EIF2S2: variants seen among roughly 807,000 people sequenced by gnomAD.
EIF2S2 encodes eukaryotic translation initiation factor 2 subunit 2.
Under a neutral mutation model 44.0 loss-of-function variants are expected in EIF2S2, and 4 were observed. That is an observed-to-expected ratio of 0.09 (90% CI 0.04 to 0.21). EIF2S2 has a LOEUF of 0.21. EIF2S2 is among the 10% of genes least tolerant of loss of function. EIF2S2 has a pLI of 1.00. For synonymous variants in EIF2S2, 108 were observed against 128.3 expected (o/e 0.84, Z 1.07); for missense variants, 154 against 392.0 (o/e 0.39, Z 5.13).
chr20:34,093,178 C>T (rs2034188005), intron 7 of EIF2S2, among the ~76,000 whole-genome samples: 1 of 152,160 alleles, frequency 6.6e-6, no homozygotes, highest in South Asian at 2.1e-4. Context: ...CTTGGCCTTC[C>T]TGAATGGGAA....
intron 2 of EIF2S2, among the ~76,000 whole-genome samples, chr20:34,104,446 A>C (rs2034326430): frequency 6.6e-6 from 1 of 152,196 alleles, no homozygotes; most frequent in South Asian, 2.1e-4. Context: ...TGAGGTACTT[A>C]TTACCAGCTT....
At chr20:34,111,264 G>A (rs1233444850) in intron 1 of EIF2S2, among the ~76,000 whole-genome samples, 1 of 152,192 alleles carries the variant, frequency 6.6e-6, no homozygotes, top group Non-Finnish European at 1.5e-5. Context: ...ATTGCCTGAG[G>A]AAATTCTCAA....
intron 1 of EIF2S2, among the ~76,000 whole-genome samples, chr20:34,109,327 G>A (rs1285662818): frequency 6.6e-6 from 1 of 152,094 alleles, no homozygotes; most frequent in African/African-American, 2.4e-5. Context: ...GAAAATTACT[G>A]AATGCCTATT....
At position 34,100,844 on chromosome 20, in the gene EIF2S2, A is replaced by C. The variant is rs529635504; in HGVS notation, c.298-2211T>G. Among the ~76,000 whole-genome samples the C allele has an allele frequency of 2.0e-5, 3 of 152,322 alleles. No homozygotes were observed. In the East Asian group the frequency reaches 5.8e-4, roughly 29 times the overall value. On this transcript the variant is annotated intron_variant, in intron 3 of 8. Coordinates refer to ENST00000374980, the MANE Select transcript of EIF2S2 (RefSeq NM_003908.5). ...CCAGAGGCATGGATGTAAACAGGGC[A>C]TATTAAAACCTAGAAATGAGTCATA...
chr20:34,096,262 G>A (rs2034227508), intron 6 of EIF2S2, among the ~76,000 whole-genome samples: 1 of 151,690 alleles, frequency 6.6e-6, no homozygotes, highest in Non-Finnish European at 1.5e-5. Flanking sequence ...AAGCCCTCCT[G>A]GGCAACACAG....
At chr20:34,104,976 C>T (rs1187218793) in intron 2 of EIF2S2, among the ~76,000 whole-genome samples, 5 of 152,132 alleles carry the variant, frequency 3.3e-5, no homozygotes, top group Admixed American at 6.5e-5. Context: ...TGGTGTCTAA[C>T]CCCAAATACT....
chr20:34,091,944 T>A (rs903040758), intron 7 of EIF2S2, among the ~76,000 whole-genome samples: 73 of 152,082 alleles, frequency 4.8e-4, no homozygotes, highest in African/African-American at 1.5e-3. Flanking sequence ...GATAGTTGAA[T>A]CACAAGCCAC....
At chr20:34,094,228 AT>A (rs2034201401) in intron 6 of EIF2S2, among the ~76,000 whole-genome samples, 2 of 152,204 alleles carry the variant, frequency 1.3e-5, no homozygotes, top group Admixed American at 1.3e-4. Flanking sequence ...ACCATATTAC[AT>A]TTTATGACTA....
In EIF2S2 at chr20:34,103,446, A is replaced by C; in HGVS notation, c.297+16T>G. 1.3e-6 allele frequency: 2 copies of C among 1,539,658 alleles called. No individual in the cohort carries two copies. The highest frequency in any genetic ancestry group is 1.8e-6 in the Non-Finnish European group (2 of 1,137,392). ...CAAGAGGTCAAATTTTACCTTCAACAAGAAAGCAATACTACCTTTACACCT... is the reference window on the plus strand; with the variant it reads ...CAAGAGGTCAAATTTTACCTTCAACCAGAAAGCAATACTACCTTTACACCT... On this transcript the variant is annotated intron_variant, in intron 3 of 8. Transcript: ENST00000374980.
intron 3 of EIF2S2, among the ~76,000 whole-genome samples, chr20:34,102,001 C>CA (rs1458061440): frequency 6.6e-6 from 1 of 152,136 alleles, no homozygotes; most frequent in Admixed American, 6.6e-5. Context: ...CAAGGCTTTT[C>CA]AAAAGCCCTC....
At chr20:34,103,952 G>A (rs1186257116) in intron 2 of EIF2S2, among the ~76,000 whole-genome samples, 4 of 152,042 alleles carry the variant, frequency 2.6e-5, no homozygotes, top group African/African-American at 9.6e-5. Flanking sequence ...TTCATGATCC[G>A]CCTGCCTCAG....
intron 5 of EIF2S2, 109 bp downstream of exon 5, chr20:34,097,307 G>T: frequency 2.2e-6 from 2 of 929,870 alleles, no homozygotes; most frequent in Non-Finnish European, 3.3e-6. Context: ...CTCTGCATCT[G>T]TTCCACCATC....
At chr20:34,108,612 T>C (rs1225722793) in intron 1 of EIF2S2, among the ~76,000 whole-genome samples, 1 of 152,216 alleles carries the variant, frequency 6.6e-6, no homozygotes, top group Non-Finnish European at 1.5e-5. Context: ...TATGGAAAAC[T>C]ACAGATCACT....
At chr20:34,104,891 C>G (rs1328799814) in intron 2 of EIF2S2, among the ~76,000 whole-genome samples, 1 of 152,192 alleles carries the variant, frequency 6.6e-6, no homozygotes, top group Non-Finnish European at 1.5e-5. Flanking sequence ...CAGACACATA[C>G]AATGTTTATA....
At chr20:34,103,706 G>T in intron 2 of EIF2S2, 141 bp from the exon 3 acceptor site, 5 of 1,265,858 alleles carry the variant, frequency 3.9e-6, no homozygotes, top group Admixed American at 4.1e-5. Flanking sequence ...CAAAACTTAT[G>T]GTTCTTTTTT....
intron 4 of EIF2S2, 53 bp downstream of exon 4, chr20:34,098,445 A>C (rs1480851363): frequency 3.8e-6 from 6 of 1,598,734 alleles, no homozygotes; most frequent in Non-Finnish European, 4.3e-6. Flanking sequence ...CAAGGAGACC[A>C]GGGCCAAAGG....
At chr20:34,091,266 G>A (rs2034159130) in intron 7 of EIF2S2, among the ~76,000 whole-genome samples, 1 of 152,146 alleles carries the variant, frequency 6.6e-6, no homozygotes, top group Admixed American at 6.5e-5. Flanking sequence ...GAGAGACCTA[G>A]AAATATAAAA....
At position 34,098,594 on chromosome 20, in the gene EIF2S2, G is replaced by C; in HGVS notation, c.337C>G (p.Pro113Ala). 6.2e-7 allele frequency: 1 copy of C among 1,613,810 alleles called. No homozygotes were observed. The highest frequency in any genetic ancestry group is 1.1e-5 in the South Asian group (1 of 91,068). Reference sequence around the variant, plus strand: ...AGCATAATGTCAAGGTCATCCTCTGGTTCAGTTGGTTCTTGAACATCACTT... The same window carrying C: ...AGCATAATGTCAAGGTCATCCTCTGCTTCAGTTGGTTCTTGAACATCACTT... ...IESDVQEPTEPEDDLDIMLGN... is the reference protein window; with the variant it reads ...IESDVQEPTEAEDDLDIMLGN... Residue 113 changes from proline (P) to alanine (A), a missense_variant, in exon 4 of 9, where the codon CCA (proline) becomes GCA (alanine). This residue lies in a region of EIF2S2 where 134 missense variants were observed against 225.0 expected (regional missense o/e 0.60). Coordinates refer to ENST00000374980, the MANE Select transcript of EIF2S2 (RefSeq NM_003908.5).
At chr20:34,110,525 T>C (rs1363201404) in intron 1 of EIF2S2, among the ~76,000 whole-genome samples, 2 of 152,230 alleles carry the variant, frequency 1.3e-5, no homozygotes, top group Non-Finnish European at 2.9e-5. Flanking sequence ...ACTAATACTT[T>C]ATTGGCTTCC....
Sources: allele counts gnomAD v4.1 joint callset (sites outside exome capture counted in the v4.1 genomes callset), GRCh38; gene constraint gnomAD v4.1.1; regional missense constraint gnomAD v4.1.1; transcripts MANE v1.5; gene names NCBI Gene and HGNC (gene_info 2026-07-23, HGNC 2026-07-21).